Variants in QDPR observed in about 807,000 individuals in gnomAD.
The protein encoded by QDPR is dihydropteridine reductase.
A neutral mutation model predicts 31.7 loss-of-function variants in QDPR; 23 were observed. The ratio of observed to expected loss-of-function variants is 0.73; its 90% CI spans 0.52 to 1.03. The LOEUF is 1.03. Among genes scored for constraint, QDPR ranks in the 50% least tolerant of loss-of-function variants. The pLI is 0.00. For synonymous variants in QDPR, 124 were observed against 124.7 expected, an observed-to-expected ratio of 0.99 and a Z score of 0.03; for missense variants, 324 against 323.8, an observed-to-expected ratio of 1.00 and a Z score of 0.00.
chr4:17,490,566 A>T (rs1273995451), intron 6 of QDPR, 96 bp downstream of exon 6: 1 of 1,025,852 alleles, frequency 9.7e-7, no homozygotes, highest in Admixed American at 1.9e-5. Flanking sequence ...ACCCGGATTG[A>T]CGATCTCAGG....
chr4:17,488,615 G>C (rs1718052835), intron 6 of QDPR, among the ~76,000 whole-genome samples: 1 of 152,204 alleles, frequency 6.6e-6, no homozygotes, highest in Non-Finnish European at 1.5e-5. Flanking sequence ...AGAAGTAGAT[G>C]ATAATTCTTT....
intron 2 of QDPR, among the ~76,000 whole-genome samples, chr4:17,508,940 C>T (rs980073514): frequency 1.3e-5 from 2 of 152,058 alleles, no homozygotes; most frequent in Admixed American, 1.3e-4. Flanking sequence ...GGGCGGATCA[C>T]AAGGTCAGGA....
Position 17,492,303 on chromosome 4 carries a change from G to A in QDPR, c.474C>T (p.His158=), listed in dbSNP as rs767372446. 3.7e-6 allele frequency: 6 copies of A among 1,614,234 alleles called. No individual in the cohort carries two copies. Among genetic ancestry groups the A allele is most frequent in the Non-Finnish European group, 5.1e-6 (6 of 1,180,046 alleles). ...TCCCAGCCAGGCTCTGGCAGAGCTG[G>A]TGAACAGCACCCTTGGCCATGCCGT... ...IGYGMAKGAV[H]QLCQSLAGKN... The change falls in exon 5 of 7, where the codon CAC becomes CAT. Residue 158 remains histidine (H), a synonymous_variant. Transcript: ENST00000281243.
At chr4:17,507,844 C>T (rs184924570) in intron 2 of QDPR, among the ~76,000 whole-genome samples, 2 of 152,112 alleles carry the variant, frequency 1.3e-5, no homozygotes, top group East Asian at 1.9e-4. Context: ...CCTCGTGATC[C>T]GCCCATCTCA....
intron 4 of QDPR, among the ~76,000 whole-genome samples, chr4:17,496,183 C>A (rs779875073): frequency 6.6e-6 from 1 of 151,552 alleles, no homozygotes; most frequent in Non-Finnish European, 1.5e-5. Flanking sequence ...CGGTGGCTCA[C>A]GCCTGTAATC....
chr4:17,509,408 T>C (rs1718916009), intron 1 of QDPR, 45 bp from the exon 2 acceptor site: 2 of 1,539,368 alleles, frequency 1.3e-6, no homozygotes, highest in African/African-American at 1.4e-5. Flanking sequence ...TGAGTTGTTA[T>C]TCCATGAAAG....
chr4:17,504,987 G>GA (rs1287825990), intron 2 of QDPR, among the ~76,000 whole-genome samples: 1 of 152,026 alleles, frequency 6.6e-6, no homozygotes, highest in African/African-American at 2.4e-5. Flanking sequence ...CATGAGCCAA[G>GA]AAAAAATACA....
chr4:17,498,185 T>C (rs1370274019), intron 4 of QDPR, among the ~76,000 whole-genome samples: 1 of 152,158 alleles, frequency 6.6e-6, no homozygotes, highest in Non-Finnish European at 1.5e-5. Flanking sequence ...CTGTTTAAGA[T>C]GTAATTGCTG....
At chr4:17,499,219 G>A (rs1718473330) in intron 4 of QDPR, among the ~76,000 whole-genome samples, 1 of 152,150 alleles carries the variant, frequency 6.6e-6, no homozygotes, top group South Asian at 2.1e-4. Context: ...GTAACTTGCC[G>A]AACGTGTCAC....
At chr4:17,492,445 T>G in intron 4 of QDPR, 105 bp from the exon 5 acceptor site, 3 of 892,820 alleles carry the variant, frequency 3.4e-6, no homozygotes, top group Non-Finnish European at 5.4e-6. Flanking sequence ...ACTTTATAAA[T>G]AGCTGCATCT....
chr4:17,509,151 C>G (rs1577195848), intron 2 of QDPR, 120 bp downstream of exon 2: 1 of 824,328 alleles, frequency 1.2e-6, no homozygotes, highest in East Asian at 2.8e-5. Context: ...GAGCAAGACT[C>G]CGTCTCGGGG....
chr4:17,490,540 G>T, intron 6 of QDPR, 122 bp downstream of exon 6: 1 of 766,438 alleles, frequency 1.3e-6, no homozygotes, highest in Non-Finnish European at 2.3e-6. Flanking sequence ...CAGAGTCCCA[G>T]AGACCTCCCA....
At chr4:17,505,914 G>A (rs2108995293) in intron 2 of QDPR, among the ~76,000 whole-genome samples, 1 of 152,178 alleles carries the variant, frequency 6.6e-6, no homozygotes, top group Admixed American at 6.5e-5. Context: ...AAGCACAAAC[G>A]CATCTCTCAA....
At chr4:17,493,924 G>A (rs1380660914) in intron 4 of QDPR, among the ~76,000 whole-genome samples, 1 of 152,148 alleles carries the variant, frequency 6.6e-6, no homozygotes, top group Admixed American at 6.5e-5. Context: ...GTGATCCAGA[G>A]GGGCTCATAA....
intron 6 of QDPR, among the ~76,000 whole-genome samples, chr4:17,489,060 G>GGTGTGCAGGTTTGCTACACAT (rs1718068579): frequency 6.6e-6 from 1 of 152,174 alleles, no homozygotes; most frequent in Non-Finnish European, 1.5e-5. Flanking sequence ...TTGCTACACA[G>GGTGTGCAGGTTTGCTACACAT]GTATGCATGT....
At chr4:17,488,314 G>C (rs1718042422) in intron 6 of QDPR, among the ~76,000 whole-genome samples, 1 of 151,980 alleles carries the variant, frequency 6.6e-6, no homozygotes, top group African/African-American at 2.4e-5. Context: ...CAAAGAGAGA[G>C]ACACATGCAC....
chr4:17,496,400 C>T (rs1044550235), intron 4 of QDPR, among the ~76,000 whole-genome samples: 20 of 127,860 alleles, frequency 1.6e-4, no homozygotes, highest in African/African-American at 3.9e-4. Context: ...GCCAAGATTG[C>T]GCCATTGCAC....
At chr4:17,490,449 C>T (rs1560307360) in intron 6 of QDPR, 10 of 552,106 alleles carry the variant, frequency 1.8e-5, no homozygotes, top group Middle Eastern at 4.9e-4. Flanking sequence ...GGATTCATGT[C>T]GGCACTACCC....
At position 17,509,273 on chromosome 4, in the gene QDPR, G is replaced by A; in HGVS notation, c.196C>T (p.Gln66Ter). 3 of 1,613,520 alleles carry A rather than the reference G, an allele frequency of 1.9e-6. No homozygotes were observed. The change falls in exon 2 of 7, where the codon CAG (glutamine) becomes TAG (stop). Residue 66 changes from glutamine (Q) to a stop codon, truncating the protein, a stop_gained and splice_region_variant. Coordinates refer to ENST00000281243, the MANE Select transcript of QDPR (RefSeq NM_000320.3). LOFTEE classifies it high-confidence loss of function. ...TTTGGGGGCCTTTTTGAAACTACCT[G>A]GTCAGCCTGCTCAGTGAACGAGTCT... ...MTDSFTEQAD[Q>*]VTAEVGKLLG...
Sources: gnomAD v4.1 joint callset for allele counts (sites outside exome capture counted in the v4.1 genomes callset) on GRCh38, gnomAD v4.1.1 for gene constraint, MANE v1.5 for transcripts, NCBI Gene and HGNC (gene_info 2026-07-23, HGNC 2026-07-21) for gene names.